Variants in DPH6 observed in about 807,000 individuals in gnomAD.
DPH6 encodes the protein diphthamine biosynthesis 6, also known as diphthine--ammonia ligase.
A neutral mutation model predicts 38.2 loss-of-function variants in DPH6; 33 were observed. That is an observed-to-expected ratio of 0.86 (90% CI 0.65 to 1.15). DPH6 has a LOEUF of 1.15. DPH6 is among the 50% of genes most tolerant of loss of function. DPH6 has a pLI of 0.00. For synonymous variants in DPH6, 108 were observed against 103.0 expected, an observed-to-expected ratio of 1.05 and a Z score of -0.30; for missense variants, 325 against 320.0, an observed-to-expected ratio of 1.02 and a Z score of -0.12.
Position 35,536,535 on chromosome 15 carries a change from A to C in DPH6, c.312+1739T>G, listed in dbSNP as rs989257473. Among the ~76,000 whole-genome samples, 77 of 152,142 alleles carry C rather than the reference A, an allele frequency of 5.1e-4. 1 individual carries two copies. Among genetic ancestry groups the C allele is most frequent in the African/African-American group, 1.8e-3 (74 of 41,560 alleles). On this transcript the variant is annotated intron_variant, in intron 3 of 8. Transcript: ENST00000256538. ...CCAAAGACAGCATGGATGGAAAAGA[A>C]AATTTCTTCTTAATTATTGCTAATC...
intron 3 of DPH6, among the ~76,000 whole-genome samples, chr15:35,247,271 C>T (rs536368738): frequency 1.3e-5 from 2 of 152,320 alleles, no homozygotes; most frequent in South Asian, 4.1e-4. Flanking sequence ...TATACTCTAT[C>T]TACTTGAGCT....
At chr15:35,211,131 G>C in the DPH6 span, among the ~76,000 whole-genome samples, 2 of 151,600 alleles carry the variant, frequency 1.3e-5, no homozygotes, top group Non-Finnish European at 2.9e-5. Context: ...AAAATTCTGT[G>C]ATAAAACCCT....
At chr15:35,365,561 A>T (rs1055148795) in intron 3 of DPH6, among the ~76,000 whole-genome samples, 8 of 152,112 alleles carry the variant, frequency 5.3e-5, no homozygotes, top group Non-Finnish European at 1.2e-4. Context: ...AACTAGGTAA[A>T]TATAAAAGCT....
chr15:35,341,616 C>G (rs1193933839), intron 3 of DPH6, among the ~76,000 whole-genome samples: 2 of 152,136 alleles, frequency 1.3e-5, no homozygotes, highest in East Asian at 3.9e-4. Context: ...GGCTACTCTT[C>G]CACAGAGCTG....
intron 5 of DPH6, among the ~76,000 whole-genome samples, chr15:35,425,033 G>A (rs535541900): frequency 4.6e-5 from 7 of 151,638 alleles, no homozygotes; most frequent in South Asian, 2.1e-4. Flanking sequence ...TGTGACCTAC[G>A]TACATTTCTG....
At chr15:35,176,093 A>T in the DPH6 span, among the ~76,000 whole-genome samples, 1 of 152,230 alleles carries the variant, frequency 6.6e-6, no homozygotes, top group African/African-American at 2.4e-5. Flanking sequence ...TTATTTCCAG[A>T]CTTCAAATGA....
chr15:35,317,046 C>T (rs940621077), intron 3 of DPH6, among the ~76,000 whole-genome samples: 3 of 152,022 alleles, frequency 2.0e-5, no homozygotes, highest in Admixed American at 6.6e-5. Context: ...TTGCTTGAGC[C>T]AAGGAGTTTG....
At chr15:35,425,788 CAT>C (rs529568565) in intron 5 of DPH6, among the ~76,000 whole-genome samples, 15 of 140,420 alleles carry the variant, frequency 1.1e-4, no homozygotes, top group Non-Finnish European at 9.2e-5. Context: ...CCATGTATAT[CAT>C]ATATATATAT....
chr15:35,315,013 G>C (rs1361501642), intron 3 of DPH6, among the ~76,000 whole-genome samples: 1 of 152,122 alleles, frequency 6.6e-6, no homozygotes, highest in African/African-American at 2.4e-5. Context: ...TCTGAATCCT[G>C]GCGAAATGAT....
At chr15:35,172,189 A>G in the DPH6 span, among the ~76,000 whole-genome samples, 4 of 152,160 alleles carry the variant, frequency 2.6e-5, no homozygotes, top group Non-Finnish European at 5.9e-5. Flanking sequence ...TATTTTTAAT[A>G]ATTTTGTGCA....
At chr15:35,165,509 G>A in the DPH6 span, among the ~76,000 whole-genome samples, 1 of 151,688 alleles carries the variant, frequency 6.6e-6, no homozygotes, top group East Asian at 1.9e-4. Context: ...ATAACTATAG[G>A]TGTTGAAACT....
intron 6 of DPH6, among the ~76,000 whole-genome samples, chr15:35,402,066 T>A (rs576013380): frequency 6.6e-6 from 1 of 152,344 alleles, no homozygotes; most frequent in African/African-American, 2.4e-5. Flanking sequence ...GATTGCTAAA[T>A]GTAATAGTCT....
intron 3 of DPH6, chr15:35,521,224 C>T (rs2054918786): frequency 1.0e-6 from 1 of 985,476 alleles, no homozygotes; most frequent in African/African-American, 1.7e-5. Context: ...TTAGTTTCCT[C>T]CTAAGGCAAG....
At chr15:35,249,992 T>C (rs926976646) in intron 3 of DPH6, among the ~76,000 whole-genome samples, 2 of 141,148 alleles carry the variant, frequency 1.4e-5, no homozygotes, top group African/African-American at 5.0e-5. Flanking sequence ...CGAAACACCA[T>C]CTCTACTAAA....
intron 4 of DPH6, among the ~76,000 whole-genome samples, chr15:35,453,571 T>G (rs1267358885): frequency 6.6e-6 from 1 of 152,166 alleles, no homozygotes; most frequent in Non-Finnish European, 1.5e-5. Flanking sequence ...GATCTACATC[T>G]AGGTAGAATG....
chr15:35,462,610 GAAA>G (rs975237436), intron 3 of DPH6, among the ~76,000 whole-genome samples: 5 of 152,144 alleles, frequency 3.3e-5, no homozygotes, highest in African/African-American at 1.2e-4. Flanking sequence ...AGGTCTCTGT[GAAA>G]ATATCTCAGA....
At chr15:35,290,432 A>G (rs1358678994) in intron 3 of DPH6, among the ~76,000 whole-genome samples, 2 of 152,184 alleles carry the variant, frequency 1.3e-5, no homozygotes, top group African/African-American at 2.4e-5. Flanking sequence ...TTCAGAGGCA[A>G]TTAGGATCAG....
At chr15:35,384,480 T>G (rs1357236615) in intron 6 of DPH6, among the ~76,000 whole-genome samples, 1 of 152,104 alleles carries the variant, frequency 6.6e-6, no homozygotes, top group African/African-American at 2.4e-5. Context: ...GCTAATAGCC[T>G]TCAAAGTCAT....
rs560667511 is a variant in DPH6 at position 35,522,066 on chromosome 15, T to G, written c.312+16208A>C. ...TCTAAGTTTTTAAACAGGAAAAGGG[T>G]TGAGGGGAATCAGTAAAACTGGAAA... On this transcript the variant is annotated intron_variant, in intron 3 of 8. Coordinates refer to ENST00000256538, the MANE Select transcript of DPH6 (RefSeq NM_080650.4). 6.1e-5 allele frequency: 98 copies of G among 1,606,964 alleles called. 1 individual carries two copies. The South Asian group carries it at 1.0e-3, about 17-fold the overall frequency.
Sources: gnomAD v4.1 joint callset for allele counts (sites outside exome capture counted in the v4.1 genomes callset) on GRCh38, gnomAD v4.1.1 for gene constraint, MANE v1.5 for transcripts, NCBI Gene and HGNC (gene_info 2026-07-23, HGNC 2026-07-21) for gene names.